Variants in ACAD10 observed in about 807,000 individuals in gnomAD.
The protein encoded by ACAD10 is ACAD-10.
ACAD10 carries 112 observed loss-of-function variants against 116.8 expected under a neutral mutation model. The ratio of observed to expected loss-of-function variants is 0.96; its 90% confidence interval spans 0.82 to 1.12. The LOEUF is 1.12. ACAD10 is among the 50% of genes most tolerant of loss of function. The probability of loss-of-function intolerance (pLI) is 0.00; values close to 1 mark genes in which losing one functional copy is unlikely to be tolerated. For synonymous variants in ACAD10, 486 were observed against 510.6 expected, an observed-to-expected ratio of 0.95 and a Z score of 0.65; for missense variants, 1,259 against 1,350.2, an observed-to-expected ratio of 0.93 and a Z score of 1.06.
At chr12:111,736,802 A>C (rs374135318) in intron 11 of ACAD10, 29 bp from the exon 12 acceptor site, 4 of 1,598,930 alleles carry the variant, frequency 2.5e-6, no homozygotes, top group Non-Finnish European at 2.6e-6. Context: ...GTCAGTGACT[A>C]CCCATGAATG....
intron 11 of ACAD10, among the ~76,000 whole-genome samples, chr12:111,736,458 T>G (rs2135981255): frequency 6.6e-6 from 1 of 152,336 alleles, no homozygotes; most frequent in South Asian, 2.1e-4. Context: ...CCCAAAGTGC[T>G]GGGATTACAG....
intron 7 of ACAD10, 137 bp from the exon 8 acceptor site, chr12:111,721,534 C>G: frequency 1.4e-6 from 1 of 730,810 alleles, no homozygotes. Context: ...TGCCACTGCA[C>G]TCCAGCCTGG....
At chr12:111,748,253 G>A (rs942094316) in intron 16 of ACAD10, 64 bp from the exon 17 acceptor site, 31 of 1,596,252 alleles carry the variant, frequency 1.9e-5, no homozygotes, top group South Asian at 1.2e-4. Context: ...CCAGGACCAC[G>A]TGTGTAGAGA....
rs375941386 is a variant in ACAD10, at chr12:111,710,375, A to G, written c.690+691A>G. On this transcript the variant is annotated intron_variant, in intron 5 of 20. Coordinates refer to ENST00000313698, the MANE Select transcript of ACAD10 (RefSeq NM_025247.6). ...AGTGGTGAGATTACAGGTGTGAGCC[A>G]CCATGCCTGGCTTCTATTCTTCTAT... The G allele has an allele frequency of 2.7e-4, 111 of 410,586 alleles. 2 individuals carry two copies. In the East Asian group the frequency reaches 4.2e-3, roughly 15 times the overall value. The allele number at this position is 410,586 out of a possible 1,614,324, so 25.4% of individuals were successfully genotyped here. A position where few individuals can be genotyped will look rare whatever the true frequency, so the allele number is the denominator to read the frequency against.
chr12:111,729,734 A>G (rs1360057875), intron 9 of ACAD10, 72 bp from the exon 10 acceptor site: 2 of 1,561,034 alleles, frequency 1.3e-6, no homozygotes, highest in African/African-American at 2.7e-5. Flanking sequence ...GTTTCACTGC[A>G]CTGGTTTTTT....
intron 1 of ACAD10, among the ~76,000 whole-genome samples, chr12:111,688,678 G>A (rs558706782): frequency 8.5e-4 from 130 of 152,054 alleles, no homozygotes; most frequent in African/African-American, 3.0e-3. Context: ...GGTGGCGAGC[G>A]CCTGTAGTCT....
intron 2 of ACAD10, among the ~76,000 whole-genome samples, chr12:111,694,246 G>C (rs1888133937): frequency 6.6e-6 from 1 of 152,174 alleles, no homozygotes. Context: ...TGCTACGCCT[G>C]AGCCTCTCTG....
At chr12:111,750,034 A>G (rs966480496) in intron 18 of ACAD10, among the ~76,000 whole-genome samples, 1 of 151,772 alleles carries the variant, frequency 6.6e-6, no homozygotes, top group African/African-American at 2.4e-5. Flanking sequence ...CGGGCTCCCA[A>G]AATGCTGGGA....
intron 8 of ACAD10, among the ~76,000 whole-genome samples, chr12:111,723,312 GCGGGGGGGC>G: frequency 7.2e-6 from 1 of 139,376 alleles, no homozygotes; most frequent in South Asian, 2.3e-4. Context: ...GGCTGGCCGG[GCGGGGGGGC>G]TGACCCCCCC....
intron 2 of ACAD10, among the ~76,000 whole-genome samples, chr12:111,695,843 A>G (rs192140340): frequency 1.3e-4 from 19 of 151,980 alleles, no homozygotes; most frequent in Admixed American, 2.0e-4. Context: ...GCAAAATCCA[A>G]TCTCTACTAA....
intron 14 of ACAD10, 107 bp downstream of exon 14, chr12:111,746,391 C>CTT (rs35354983): frequency 0.014 from 14,051 of 1,002,506 alleles, 1 homozygote; most frequent in East Asian, 0.1. Context: ...TGAACTTGAA[C>CTT]TTTTTTTTTT....
At chr12:111,694,241 C>T (rs1041990785) in intron 2 of ACAD10, among the ~76,000 whole-genome samples, 1 of 152,166 alleles carries the variant, frequency 6.6e-6, no homozygotes, top group African/African-American at 2.4e-5. Context: ...ATTGGTGCTA[C>T]GCCTGAGCCT....
intron 17 of ACAD10, 88 bp from the exon 18 acceptor site, chr12:111,749,085 G>T (rs1889996818): frequency 6.2e-7 from 1 of 1,613,442 alleles, no homozygotes; most frequent in African/African-American, 1.3e-5. Context: ...GACATTGCCA[G>T]CAGATAACCC....
chr12:111,709,324 T>G (rs1443288225), intron 4 of ACAD10, among the ~76,000 whole-genome samples: 2 of 152,226 alleles, frequency 1.3e-5, no homozygotes, highest in Admixed American at 6.5e-5. Context: ...TTCTCGAGTT[T>G]GCCCCCACGT....
chr12:111,692,736 C>G lies in ACAD10; in HGVS notation c.27C>G (p.Ser9=). 6.2e-7 allele frequency: 1 copy of G among 1,614,090 alleles called. No individual in the cohort carries two copies. Among genetic ancestry groups the G allele is most frequent in the Non-Finnish European group, 8.5e-7 (1 of 1,179,986 alleles). Residue 9 remains serine (S), a synonymous_variant, in exon 2 of 21, where the codon TCC becomes TCG. Transcript: ENST00000313698. The part of the protein sequence containing the change: MCVRSCFQ[S]PRLQWVWRTA... ...TGTGTGTCAGGAGCTGTTTCCAGTC[C>G]CCCCGTCTCCAGTGGGTGTGGAGAA...
chr12:111,712,799 G>T, intron 6 of ACAD10, 142 bp downstream of exon 6: 1 of 927,606 alleles, frequency 1.1e-6, no homozygotes, highest in Non-Finnish European at 1.6e-6. Context: ...CTGGTGCATC[G>T]GAGCACTGCT....
intron 14 of ACAD10, 147 bp from the exon 15 acceptor site, chr12:111,746,902 G>A: frequency 9.5e-7 from 1 of 1,048,246 alleles, no homozygotes; most frequent in Non-Finnish European, 1.3e-6. Flanking sequence ...GGAAGCTGAG[G>A]CATGGGAGGA....
At chr12:111,691,566 AT>A (rs1480943667) in intron 1 of ACAD10, among the ~76,000 whole-genome samples, 1 of 151,638 alleles carries the variant, frequency 6.6e-6, no homozygotes, top group Non-Finnish European at 1.5e-5. Context: ...AGATGAAAAA[AT>A]GGGGAGCTGC....
chr12:111,755,923 C>T (rs2068080315), intron 20 of ACAD10, 178 bp downstream of exon 20: 7 of 734,180 alleles, frequency 9.5e-6, no homozygotes, highest in African/African-American at 1.7e-5. Context: ...GAGGTGCCAT[C>T]GTACCCCCAT....
Sources: allele counts gnomAD v4.1 joint callset (sites outside exome capture counted in the v4.1 genomes callset), GRCh38; gene constraint gnomAD v4.1.1; transcripts MANE v1.5; gene names NCBI Gene and HGNC (gene_info 2026-07-23, HGNC 2026-07-21).